The following LRBA variants were observed in gnomAD, a reference collection of about 807,000 sequenced individuals.
The protein encoded by LRBA is lipopolysaccharide-responsive and beige-like anchor protein.
A neutral mutation model predicts 330.0 loss-of-function variants in LRBA; 176 were observed. The observed-to-expected ratio is 0.53, with a 90% confidence interval of 0.47 to 0.60. The LOEUF (loss-of-function observed/expected upper bound fraction) is 0.60, where lower values mean the gene tolerates loss of function less well. Ranked by LOEUF, LRBA falls within the 20% of genes least tolerant of loss-of-function variation. The probability of loss-of-function intolerance (pLI) is 0.00; values close to 1 mark genes in which losing one functional copy is unlikely to be tolerated. For missense variants in LRBA, 3,259 were observed against 3,444.8 expected (o/e 0.95, Z 1.35); for synonymous variants, 1,230 against 1,193.0 (o/e 1.03, Z -0.64).
In LRBA at chr4:150,734,097, T is replaced by A. The variant is rs962492358; in HGVS notation, c.5754+1161A>T. ...ATGACTTTAATCATTTAAAATGATA[T>A]TTAATAGTCTTTACCATATTTGTAT... On this transcript the variant is annotated intron_variant, in intron 36 of 56. Transcript: ENST00000651943. 2.0e-5 allele frequency among the ~76,000 whole-genome samples: 3 copies of A among 152,158 alleles called. No individual in the cohort carries two copies. In the East Asian group the frequency reaches 5.8e-4, roughly 29 times the overall value.
intron 38 of LRBA, among the ~76,000 whole-genome samples, chr4:150,591,136 A>G (rs1028804535): frequency 6.6e-6 from 1 of 152,222 alleles, no homozygotes; most frequent in South Asian, 2.1e-4. Flanking sequence ...TAGTTAGGGT[A>G]GGAGTGGTTC....
At chr4:150,565,608 G>C (rs1242669659) in intron 40 of LRBA, among the ~76,000 whole-genome samples, 1 of 151,908 alleles carries the variant, frequency 6.6e-6, no homozygotes, top group African/African-American at 2.4e-5. Flanking sequence ...TTTAAATATA[G>C]AGATTTAACA....
At chr4:150,874,648 A>T (rs971694186) in intron 17 of LRBA, among the ~76,000 whole-genome samples, 5 of 152,144 alleles carry the variant, frequency 3.3e-5, no homozygotes, top group Non-Finnish European at 5.9e-5. Flanking sequence ...CTACCCTGAC[A>T]CTGTGGTGCA....
rs779570761 is a variant in LRBA, at chr4:150,265,727, AG to A, written c.8553del (p.Tyr2852ThrfsTer14). The A allele has an allele frequency of 3.1e-6, 5 of 1,607,170 alleles. No homozygotes were observed. The highest frequency in any genetic ancestry group is 3.4e-6 in the Non-Finnish European group (4 of 1,173,610). On this transcript the variant is annotated frameshift_variant, in exon 57 of 57. Transcript: ENST00000651943. LOFTEE classifies it high-confidence loss of function. ...FNRWHHEYQT[R>X]Y ...TTGATGTACAGCTGTCACCATCAGT[AG>A]CGGGTTTGGTATTCATGATGCCACC...
At chr4:150,708,119 C>A (rs1162028063) in intron 36 of LRBA, among the ~76,000 whole-genome samples, 2 of 151,246 alleles carry the variant, frequency 1.3e-5, no homozygotes, top group African/African-American at 4.8e-5. Context: ...AAGTAACAGG[C>A]GCATCATCTA....
At chr4:150,922,394 GTATATA>G (rs56340108) in intron 4 of LRBA, among the ~76,000 whole-genome samples, 3 of 139,730 alleles carry the variant, frequency 2.1e-5, no homozygotes, top group Admixed American at 7.2e-5. Flanking sequence ...AGAAACTGTG[GTATATA>G]TATATATATA....
chr4:150,767,766 A>G (rs1735973198), intron 34 of LRBA, among the ~76,000 whole-genome samples: 1 of 147,618 alleles, frequency 6.8e-6, no homozygotes, highest in Non-Finnish European at 1.5e-5. Context: ...CAAAAAAAAA[A>G]AAAAAAAAAA....
chr4:150,614,910 T>G, intron 37 of LRBA, among the ~76,000 whole-genome samples: 1 of 152,186 alleles, frequency 6.6e-6, no homozygotes. Flanking sequence ...TGGCCATATC[T>G]GTGACAGATG....
intron 16 of LRBA, among the ~76,000 whole-genome samples, chr4:150,894,458 CA>C (rs943125719): frequency 6.6e-6 from 1 of 152,046 alleles, no homozygotes; most frequent in African/African-American, 2.4e-5. Flanking sequence ...TCTAGACCCC[CA>C]AAAAAACTTC....
rs181060598 is a variant in LRBA at position 150,524,876 on chromosome 4, T to C, written c.6331-33841A>G. 7.9e-4 allele frequency among the ~76,000 whole-genome samples: 121 copies of C among 152,256 alleles called. 1 individual carries two copies. The highest frequency in any genetic ancestry group is 2.8e-3 in the African/African-American group (118 of 41,566). On this transcript the variant is annotated intron_variant, in intron 40 of 56. Transcript: ENST00000651943. ...ATCATTTAATAATTCTGAATTCTAA[T>C]CTCGCAAAGGCCAAACATCCTCTTA... is the stretch of plus-strand genomic sequence containing the variant.
At chr4:150,662,567 G>C (rs1781214713) in intron 37 of LRBA, among the ~76,000 whole-genome samples, 1 of 152,212 alleles carries the variant, frequency 6.6e-6, no homozygotes, top group Non-Finnish European at 1.5e-5. Context: ...GTATGGTATA[G>C]ATCTGTTTGC....
At chr4:150,285,596 A>G (rs912242656) in intron 54 of LRBA, among the ~76,000 whole-genome samples, 1 of 152,232 alleles carries the variant, frequency 6.6e-6, no homozygotes, top group South Asian at 2.1e-4. Flanking sequence ...GAATATGAAT[A>G]TTAACAGGAT....
At chr4:150,370,774 G>GTAT (rs1475648755) in intron 47 of LRBA, among the ~76,000 whole-genome samples, 1 of 152,060 alleles carries the variant, frequency 6.6e-6, no homozygotes, top group Non-Finnish European at 1.5e-5. Flanking sequence ...AATAGTAAGA[G>GTAT]GTATATATGA....
At chr4:150,684,747 C>G (rs1783380725) in intron 36 of LRBA, among the ~76,000 whole-genome samples, 1 of 152,116 alleles carries the variant, frequency 6.6e-6, no homozygotes, top group South Asian at 2.1e-4. Flanking sequence ...CTCTCCCCCA[C>G]CCCCACACAC....
At chr4:150,861,537 C>T (rs1148655) in intron 22 of LRBA, among the ~76,000 whole-genome samples, 19,022 of 151,986 alleles carry the variant, frequency 0.13, 1,590 homozygotes, top group South Asian at 0.27. Flanking sequence ...CTACATAAGG[C>T]ATTTACCATG....
intron 47 of LRBA, among the ~76,000 whole-genome samples, chr4:150,370,295 A>T (rs1214526927): frequency 6.6e-6 from 1 of 152,212 alleles, no homozygotes; most frequent in Non-Finnish European, 1.5e-5. Context: ...GATATATTTT[A>T]GTAGGTGAAT....
At chr4:150,877,379 T>C (rs1754167376) in intron 17 of LRBA, among the ~76,000 whole-genome samples, 1 of 151,928 alleles carries the variant, frequency 6.6e-6, no homozygotes, top group Admixed American at 6.6e-5. Flanking sequence ...GGTGTCACTA[T>C]TCTTATATCA....
chr4:150,896,621 T>C (rs1463392431), intron 15 of LRBA, among the ~76,000 whole-genome samples, 165 bp from the exon 16 acceptor site: 1 of 152,082 alleles, frequency 6.6e-6, no homozygotes, highest in Non-Finnish European at 1.5e-5. Context: ...ACTAAAGACA[T>C]CAGTACTCCA....
At chr4:150,946,878 T>C (rs1327021920) in intron 2 of LRBA, among the ~76,000 whole-genome samples, 1 of 148,106 alleles carries the variant, frequency 6.8e-6, no homozygotes, top group African/African-American at 2.5e-5. Context: ...ATTACTAGTA[T>C]CAGGGAGAAA....
Sources: gnomAD v4.1 joint callset for allele counts (sites outside exome capture counted in the v4.1 genomes callset) on GRCh38, gnomAD v4.1.1 for gene constraint, MANE v1.5 for transcripts, NCBI Gene and HGNC (gene_info 2026-07-23, HGNC 2026-07-21) for gene names.